HOXB3: variants seen among roughly 807,000 people sequenced by gnomAD.
HOXB3 encodes homeobox B3.
In HOXB3, 17 loss-of-function variants were observed where a neutral mutation model predicts 29.2. That is an observed-to-expected ratio of 0.58 (90% CI 0.40 to 0.87). The LOEUF is 0.87. Among genes scored for constraint, HOXB3 ranks in the 40% least tolerant of loss-of-function variants. The pLI is 0.00. For synonymous variants in HOXB3, 317 were observed against 285.9 expected, an observed-to-expected ratio of 1.11 and a Z score of -1.10; for missense variants, 637 against 616.3, an observed-to-expected ratio of 1.03 and a Z score of -0.35.
At chr17:48,576,771 G>A (rs2069778846) in intron 1 of HOXB3, 4 of 1,614,006 alleles carry the variant, frequency 2.5e-6, no homozygotes, top group South Asian at 1.1e-5. Context: ...CCCTCCGGCT[G>A]AGCCTGCCGC....
At chr17:48,579,815 T>C in intron 1 of HOXB3, 1 of 458,060 alleles carries the variant, frequency 2.2e-6, no homozygotes, top group Non-Finnish European at 4.4e-6. Flanking sequence ...CATATATATA[T>C]ATTTTTTTCT....
chr17:48,551,949 AG>A, intron 4 of HOXB3, 77 bp downstream of exon 4: 1 of 1,391,582 alleles, frequency 7.2e-7, no homozygotes, highest in Admixed American at 2.3e-5. Flanking sequence ...GCGGGCGCCT[AG>A]GGGCTGGGTG....
chr17:48,577,884 G>A (rs750130910), intron 1 of HOXB3: 4 of 1,391,822 alleles, frequency 2.9e-6, no homozygotes, highest in South Asian at 2.0e-5. Context: ...TGAACTTTGC[G>A]CATCCAGGGG....
At chr17:48,569,973 G>A (rs912276088) in intron 2 of HOXB3, among the ~76,000 whole-genome samples, 3 of 152,102 alleles carry the variant, frequency 2.0e-5, no homozygotes, top group African/African-American at 7.2e-5. Context: ...CAAAAGAATC[G>A]GACTGTCAGC....
chr17:48,558,687 C>T (rs1184746544), intron 2 of HOXB3, among the ~76,000 whole-genome samples: 2 of 152,040 alleles, frequency 1.3e-5, no homozygotes, highest in Non-Finnish European at 2.9e-5. Flanking sequence ...GATTTTCAAA[C>T]TTCAGGGGAT....
chr17:48,558,773 G>C (rs1261457153), intron 2 of HOXB3, among the ~76,000 whole-genome samples: 1 of 152,018 alleles, frequency 6.6e-6, no homozygotes, highest in Non-Finnish European at 1.5e-5. Flanking sequence ...AAGACTTTGG[G>C]GTCTGGGAAA....
At position 48,554,956 on chromosome 17, in the gene HOXB3, G is replaced by A. The variant is rs1272194298; in HGVS notation, c.-159+575C>T. 1 of 626,520 alleles carries A rather than the reference G, an allele frequency of 1.6e-6. No homozygotes were observed. The highest frequency in any genetic ancestry group is 2.6e-5 in the Admixed American group (1 of 38,804). 38.8% of individuals were successfully genotyped at this position (626,520 alleles called of 1,614,324 possible). A position where few individuals can be genotyped will look rare whatever the true frequency, so the allele number is the denominator to read the frequency against. ...CAAGCCAAACAGATCTATTTCCCTT[G>A]CCTCCATGTTGGAAAAATTCAGGTT... On this transcript the variant is annotated intron_variant, in intron 3 of 4. Coordinates refer to ENST00000498678, the MANE Select transcript of HOXB3 (RefSeq NM_001384749.1). The surrounding 1 kb of genome is among the most constrained non-coding windows in gnomAD (Gnocchi z 4.1).
chr17:48,578,136 C>A (rs776508741), intron 1 of HOXB3: 1 of 1,547,124 alleles, frequency 6.5e-7, no homozygotes, highest in South Asian at 1.2e-5. Flanking sequence ...TAGCGCTGCA[C>A]GGTGCACGCC....
At chr17:48,551,813 G>A (rs2068757941) in intron 4 of HOXB3, among the ~76,000 whole-genome samples, 1 of 152,250 alleles carries the variant, frequency 6.6e-6, no homozygotes, top group African/African-American at 2.4e-5. Context: ...GCCTTCTGGA[G>A]CTTTCAGAAG....
At chr17:48,573,172 G>C (rs1435452295) in intron 2 of HOXB3, among the ~76,000 whole-genome samples, 1 of 152,164 alleles carries the variant, frequency 6.6e-6, no homozygotes, top group Non-Finnish European at 1.5e-5. Context: ...AAGAAGGCTG[G>C]GGGGACAGAG....
Position 48,573,826 on chromosome 17 carries a change from G to A in HOXB3, c.-247+11C>T, listed in dbSNP as rs772772585. The A allele has an allele frequency of 2.8e-6, 2 of 702,074 alleles. No homozygotes were observed. The highest frequency in any genetic ancestry group is 2.7e-5 in the East Asian group (1 of 37,268). 43.5% of individuals were successfully genotyped at this position (702,074 alleles called of 1,614,324 possible). ...ATCAAAACACGCCAGCCCGGGCCCG[G>A]GCTTTGTTACCTTTGCGCCTCTCGC... On this transcript the variant is annotated intron_variant, in intron 2 of 4. Transcript: ENST00000498678.
In HOXB3 at chr17:48,586,112, A is replaced by T. The variant is rs146311011; in HGVS notation, c.-425+4013T>A. ...CAGAGGGCGGCCTCGCAGACTGGGA[A>T]CTGTTTCCGGGGAGGAGAAGCTAGA... On this transcript the variant is annotated intron_variant, in intron 1 of 4. Transcript: ENST00000498678. Among the ~76,000 whole-genome samples, 665 of 152,368 alleles carry T rather than the reference A, an allele frequency of 4.4e-3. 4 individuals carry two copies. The highest frequency in any genetic ancestry group is 0.015 in the African/African-American group (630 of 41,592).
intron 1 of HOXB3, chr17:48,577,809 C>T: frequency 7.4e-7 from 1 of 1,355,424 alleles, no homozygotes; most frequent in South Asian, 2.1e-5. Flanking sequence ...CTCCGAAGTC[C>T]CTTTGGTGTA....
In HOXB3 at chr17:48,551,037, G is replaced by A; in HGVS notation, c.593C>T (p.Ala198Val). 2 of 1,610,516 alleles carry A rather than the reference G, an allele frequency of 1.2e-6. No individual in the cohort carries two copies. Among genetic ancestry groups the A allele is most frequent in the Non-Finnish European group, 1.7e-6 (2 of 1,177,764 alleles). Residue 198 changes from alanine (A) to valine (V), a missense_variant, in exon 5 of 5, where the codon GCG becomes GTG. Coordinates refer to ENST00000498678, the MANE Select transcript of HOXB3 (RefSeq NM_001384749.1). ...CTCCTTCTCCAGCTCCACCAGCTGC[G>A]CGCTCGTGTACGCCGTCCGCGCCCG... ...SKRARTAYTSAQLVELEKEFH... is the reference protein window; with the variant it reads ...SKRARTAYTSVQLVELEKEFH...
At chr17:48,578,409 TC>T (rs1168314585) in intron 1 of HOXB3, 1 of 1,480,952 alleles carries the variant, frequency 6.8e-7, no homozygotes. Flanking sequence ...CTACTTACTG[TC>T]AAGTGAACAA....
chr17:48,550,547 C>G lies in HOXB3; in HGVS notation c.1083G>C (p.Pro361=). 1 of 1,530,290 alleles carries G rather than the reference C, an allele frequency of 6.5e-7. No homozygotes were observed. The highest frequency in any genetic ancestry group is 1.3e-5 in the South Asian group (1 of 76,992). The allele number at this position is 1,530,290 out of a possible 1,614,324, so 94.8% of individuals were successfully genotyped here. A position where few individuals can be genotyped will look rare whatever the true frequency, so the allele number is the denominator to read the frequency against. The part of the protein sequence containing the change: ...VYVGGGGYAD[P]LPPPAGPSLY... ...GGGAGGGGCCGGCAGGGGGCGGCAG[C>G]GGATCCGCGTAGCCGCCCCCGCCCA... The change falls in exon 5 of 5, where the codon CCG becomes CCC. Residue 361 remains proline, a synonymous_variant. Coordinates refer to ENST00000498678, the MANE Select transcript of HOXB3 (RefSeq NM_001384749.1).
At position 48,555,365 on chromosome 17, in the gene HOXB3, G is replaced by GGGGA. The variant is rs1555636221; in HGVS notation, c.-159+165_-159+166insTCCC. 2.7e-4 allele frequency: 36 copies of GGGGA among 134,136 alleles called. 1 individual carries two copies. The African/African-American group carries it at 2.7e-3, about 10-fold the overall frequency. 8.3% of individuals were successfully genotyped at this position (134,136 alleles called of 1,614,324 possible). A position where few individuals can be genotyped will look rare whatever the true frequency, so the allele number is the denominator to read the frequency against. On this transcript the variant is annotated intron_variant, in intron 3 of 4. Coordinates refer to ENST00000498678, the MANE Select transcript of HOXB3 (RefSeq NM_001384749.1). ...GAGAGAGAGAGAGAGAGAGAGAGAG[G>GGGGA]GAGGGAGGGAGGGAGGGAGGGAGGG...
intron 1 of HOXB3, among the ~76,000 whole-genome samples, 154 bp downstream of exon 1, chr17:48,589,971 C>T (rs2070118663): frequency 6.6e-6 from 1 of 152,166 alleles, no homozygotes; most frequent in South Asian, 2.1e-4. Context: ...TGAGAGCACT[C>T]ATTTCAGGCA....
intron 1 of HOXB3, chr17:48,576,838 G>A: frequency 6.2e-7 from 1 of 1,614,240 alleles, no homozygotes. Context: ...CACTTCATGC[G>A]CCGGTTCTGG....
Sources: allele counts gnomAD v4.1 joint callset (sites outside exome capture counted in the v4.1 genomes callset), GRCh38; gene constraint gnomAD v4.1.1; non-coding constraint Gnocchi (gnomAD v3.1); transcripts MANE v1.5; gene names NCBI Gene and HGNC (gene_info 2026-07-23, HGNC 2026-07-21).